AFG1L: variants seen among roughly 807,000 people sequenced by gnomAD.
AFG1L encodes AFG1-like ATPase.
AFG1L carries 53 observed loss-of-function variants against 62.2 expected under a neutral mutation model. The ratio of observed to expected loss-of-function variants is 0.85; its 90% CI spans 0.68 to 1.07. The LOEUF (loss-of-function observed/expected upper bound fraction) is 1.07, where lower values mean the gene tolerates loss of function less well. Ranked by LOEUF, AFG1L falls within the 50% of genes least tolerant of loss-of-function variation. AFG1L has a pLI of 0.00. For synonymous variants in AFG1L, 228 were observed against 210.3 expected, an observed-to-expected ratio of 1.08 and a Z score of -0.73; for missense variants, 555 against 590.5, an observed-to-expected ratio of 0.94 and a Z score of 0.62.
chr6:108,452,440 C>T (rs1772094700), intron 8 of AFG1L, among the ~76,000 whole-genome samples: 1 of 152,046 alleles, frequency 6.6e-6, no homozygotes, highest in African/African-American at 2.4e-5. Flanking sequence ...AGGTTCTTTT[C>T]TCTACTAAGT....
intron 7 of AFG1L, among the ~76,000 whole-genome samples, chr6:108,416,656 G>C (rs1017790990): frequency 6.6e-6 from 1 of 152,050 alleles, no homozygotes; most frequent in Non-Finnish European, 1.5e-5. Flanking sequence ...CCATCATTCT[G>C]AGCAAATTAT....
chr6:108,295,703 T>A (rs1776743749), intron 1 of AFG1L: 1 of 153,222 alleles, frequency 6.5e-6, no homozygotes, highest in African/African-American at 2.4e-5. Context: ...GGTGTTCTTT[T>A]CAAGTCACTA....
At chr6:108,400,587 T>C (rs1433337758) in intron 6 of AFG1L, among the ~76,000 whole-genome samples, 1 of 136,188 alleles carries the variant, frequency 7.3e-6, no homozygotes, top group African/African-American at 2.7e-5. Context: ...ATTATTATAA[T>C]ATATAATTTA....
Position 108,343,147 on chromosome 6 carries a change from C to G in AFG1L, c.364-3841C>G, listed in dbSNP as rs368273150. On this transcript the variant is annotated intron_variant, in intron 2 of 12. Coordinates refer to ENST00000368977, the MANE Select transcript of AFG1L (RefSeq NM_145315.5). Reference sequence around the variant, plus strand: ...TGGTGCGATCTTGGCTTACTGCAACCTCTGCCTCCCTGGTTCAAGTGATTC... The same window carrying G: ...TGGTGCGATCTTGGCTTACTGCAACGTCTGCCTCCCTGGTTCAAGTGATTC... Among the ~76,000 whole-genome samples, 19 of 151,854 alleles carry G rather than the reference C, an allele frequency of 1.3e-4. No individual in the cohort carries two copies. In the East Asian group the frequency reaches 2.5e-3, roughly 20 times the overall value.
chr6:108,416,188 C>T (rs1770262865), intron 7 of AFG1L, among the ~76,000 whole-genome samples: 1 of 152,164 alleles, frequency 6.6e-6, no homozygotes, highest in Non-Finnish European at 1.5e-5. Flanking sequence ...TCATCATTGG[C>T]CACGAGAGAA....
chr6:108,405,748 A>C, intron 7 of AFG1L, among the ~76,000 whole-genome samples: 1 of 152,212 alleles, frequency 6.6e-6, no homozygotes, highest in Non-Finnish European at 1.5e-5. Context: ...TCATCTTATC[A>C]AAATGAAACT....
intron 1 of AFG1L, among the ~76,000 whole-genome samples, chr6:108,308,299 G>A (rs942498397): frequency 5.9e-5 from 9 of 152,022 alleles, no homozygotes; most frequent in East Asian, 1.9e-4. Flanking sequence ...ACAGGCATGC[G>A]CCACCACACC....
At chr6:108,477,554 T>C (rs1007297002) in intron 10 of AFG1L, among the ~76,000 whole-genome samples, 3 of 152,090 alleles carry the variant, frequency 2.0e-5, no homozygotes, top group Non-Finnish European at 4.4e-5. Context: ...AAAAATAAAA[T>C]CAGTTTTGGG....
intron 10 of AFG1L, among the ~76,000 whole-genome samples, chr6:108,479,251 C>G (rs1342337491): frequency 2.0e-5 from 3 of 152,208 alleles, no homozygotes; most frequent in African/African-American, 7.2e-5. Context: ...CTCAGCCTTC[C>G]AAAGTGCTGG....
chr6:108,441,712 A>AAAAATATATATAT (rs1401294615), intron 7 of AFG1L, among the ~76,000 whole-genome samples: 26 of 139,492 alleles, frequency 1.9e-4, no homozygotes, highest in South Asian at 1.4e-3. Context: ...AAAAAAAAAA[A>AAAAATATATATAT]ATATATATAT....
intron 10 of AFG1L, among the ~76,000 whole-genome samples, chr6:108,502,859 C>T (rs1056140782): frequency 1.3e-5 from 2 of 152,242 alleles, no homozygotes; most frequent in Admixed American, 1.3e-4. Flanking sequence ...CCTGCCACTG[C>T]TTTAACAACT....
intron 6 of AFG1L, among the ~76,000 whole-genome samples, chr6:108,369,872 A>G (rs1271582173): frequency 6.6e-6 from 1 of 152,098 alleles, no homozygotes. Flanking sequence ...GGCCTCCCAA[A>G]GTGCTAGGAT....
At chr6:108,386,248 G>A (rs996720535) in intron 6 of AFG1L, among the ~76,000 whole-genome samples, 1 of 152,090 alleles carries the variant, frequency 6.6e-6, no homozygotes, top group East Asian at 1.9e-4. Flanking sequence ...GATCACCTGA[G>A]GTCAGAAGTT....
chr6:108,467,842 G>GGATATTTTTTAA (rs1324975086), intron 8 of AFG1L, among the ~76,000 whole-genome samples: 9 of 152,170 alleles, frequency 5.9e-5, no homozygotes, highest in African/African-American at 2.2e-4. Flanking sequence ...TATGGTTTCA[G>GGATATTTTTTAA]GATATTTTTT....
chr6:108,457,877 G>C (rs948463551), intron 8 of AFG1L, among the ~76,000 whole-genome samples: 2 of 151,946 alleles, frequency 1.3e-5, no homozygotes, highest in Non-Finnish European at 2.9e-5. Flanking sequence ...AGGCTGGCTG[G>C]CTTTCCTTTC....
chr6:108,419,376 A>G (rs560203734), intron 7 of AFG1L, among the ~76,000 whole-genome samples: 2 of 152,306 alleles, frequency 1.3e-5, no homozygotes, highest in East Asian at 1.9e-4. Flanking sequence ...ATGTTTGATG[A>G]TTAGATTACT....
chr6:108,315,456 C>T (rs1418570498), intron 1 of AFG1L, among the ~76,000 whole-genome samples: 1 of 152,184 alleles, frequency 6.6e-6, no homozygotes, highest in Non-Finnish European at 1.5e-5. Flanking sequence ...GCTTCTCAAC[C>T]TTTAATGTGC....
At chr6:108,302,551 G>A (rs915476762) in intron 1 of AFG1L, among the ~76,000 whole-genome samples, 3 of 151,792 alleles carry the variant, frequency 2.0e-5, no homozygotes, top group Non-Finnish European at 2.9e-5. Flanking sequence ...TTGAGGTTCC[G>A]AGATAACTTG....
chr6:108,517,474 T>C (rs1261060565), intron 11 of AFG1L, among the ~76,000 whole-genome samples: 1 of 152,140 alleles, frequency 6.6e-6, no homozygotes, highest in Non-Finnish European at 1.5e-5. Flanking sequence ...AACTGTATCC[T>C]TTCCTTACAC....
Sources: allele counts gnomAD v4.1 joint callset (sites outside exome capture counted in the v4.1 genomes callset), GRCh38; gene constraint gnomAD v4.1.1; transcripts MANE v1.5; gene names NCBI Gene and HGNC (gene_info 2026-07-23, HGNC 2026-07-21).